CACNA2D3: variants seen among roughly 807,000 people sequenced by gnomAD.
CACNA2D3 encodes the protein calcium voltage-gated channel auxiliary subunit alpha2delta 3, also known as voltage-dependent calcium channel subunit alpha-2/delta-3.
Under a neutral mutation model 160.6 loss-of-function variants are expected in CACNA2D3, and 60 were observed. The observed-to-expected ratio is 0.37, with a 90% CI of 0.30 to 0.46. CACNA2D3 has a LOEUF of 0.46. CACNA2D3 is among the 20% of genes least tolerant of loss of function. The pLI is 1.00. For missense variants in CACNA2D3, 1,205 were observed against 1,365.0 expected (o/e 0.88, Z 1.85); for synonymous variants, 558 against 492.9 (o/e 1.13, Z -1.75).
At chr3:54,826,009 C>T (rs1703741280) in intron 14 of CACNA2D3, among the ~76,000 whole-genome samples, 1 of 152,046 alleles carries the variant, frequency 6.6e-6, no homozygotes, top group Admixed American at 6.6e-5. Flanking sequence ...TTTTTTGATA[C>T]AATACAAATC....
intron 8 of CACNA2D3, among the ~76,000 whole-genome samples, chr3:54,575,166 C>T (rs534809154): frequency 6.6e-6 from 1 of 152,272 alleles, no homozygotes; most frequent in Non-Finnish European, 1.5e-5. Flanking sequence ...TACATAATCC[C>T]TACATGTTTT....
At chr3:54,358,799 T>G (rs1434555030) in intron 3 of CACNA2D3, among the ~76,000 whole-genome samples, 1 of 152,228 alleles carries the variant, frequency 6.6e-6, no homozygotes, top group Non-Finnish European at 1.5e-5. Flanking sequence ...CAGTATTCAG[T>G]TACTAAAAGT....
At chr3:54,265,048 T>G (rs1433375156) in intron 2 of CACNA2D3, among the ~76,000 whole-genome samples, 1 of 152,180 alleles carries the variant, frequency 6.6e-6, no homozygotes, top group Non-Finnish European at 1.5e-5. Context: ...TAAACATACT[T>G]GTGCATGTGT....
chr3:54,791,769 G>C (rs1202176740), intron 13 of CACNA2D3, among the ~76,000 whole-genome samples: 1 of 152,112 alleles, frequency 6.6e-6, no homozygotes, highest in Admixed American at 6.5e-5. Context: ...AAAGAGGACA[G>C]ATTCCAGAAG....
At chr3:54,908,847 T>C (rs1321902018) in intron 27 of CACNA2D3, among the ~76,000 whole-genome samples, 3 of 152,130 alleles carry the variant, frequency 2.0e-5, no homozygotes, top group South Asian at 2.1e-4. Context: ...CAGAGCTGAG[T>C]AGATGGAGGG....
At chr3:54,243,132 C>T (rs940264782) in intron 2 of CACNA2D3, among the ~76,000 whole-genome samples, 1 of 152,112 alleles carries the variant, frequency 6.6e-6, no homozygotes, top group Admixed American at 6.5e-5. Context: ...AAGATTGTAC[C>T]CCCTGTCCCC....
intron 4 of CACNA2D3, among the ~76,000 whole-genome samples, chr3:54,500,509 C>CTTCCTTCCTATA (rs1701272781): frequency 1.3e-5 from 1 of 74,990 alleles, no homozygotes; most frequent in Admixed American, 1.4e-4. Context: ...TCCTATCTTC[C>CTTCCTTCCTATA]TTCCTTCCTT....
At chr3:54,756,845 T>C (rs549451236) in intron 12 of CACNA2D3, among the ~76,000 whole-genome samples, 271 of 152,204 alleles carry the variant, frequency 1.8e-3, no homozygotes, top group African/African-American at 6.1e-3. Flanking sequence ...TTGCAATAGT[T>C]CTCTGCCTCC....
chr3:54,484,626 A>T (rs1167780519), intron 4 of CACNA2D3, among the ~76,000 whole-genome samples: 1 of 152,200 alleles, frequency 6.6e-6, no homozygotes, highest in Non-Finnish European at 1.5e-5. Context: ...AACATTCTAA[A>T]TGGCAATAAT....
In CACNA2D3 at chr3:54,953,154, T is replaced by A. The variant is rs557243945; in HGVS notation, c.2450-15296T>A. On this transcript the variant is annotated intron_variant, in intron 27 of 37. Coordinates refer to ENST00000474759, the MANE Select transcript of CACNA2D3 (RefSeq NM_018398.3). ...TGACATTTACTGAATATTTACTATG[T>A]GCCTGGCACTGTGCTAGGCTCATGA... 4.6e-5 allele frequency among the ~76,000 whole-genome samples: 7 copies of A among 152,336 alleles called. No individual in the cohort carries two copies. The East Asian group carries it at 1.4e-3, about 29-fold the overall frequency.
At chr3:54,470,529 A>G (rs1410702096) in intron 4 of CACNA2D3, among the ~76,000 whole-genome samples, 3 of 152,212 alleles carry the variant, frequency 2.0e-5, no homozygotes, top group Admixed American at 6.5e-5. Flanking sequence ...GCATCAATTA[A>G]TGGGTAAAAT....
At chr3:54,920,694 A>T (rs1435831024) in intron 27 of CACNA2D3, among the ~76,000 whole-genome samples, 1 of 152,172 alleles carries the variant, frequency 6.6e-6, no homozygotes, top group Non-Finnish European at 1.5e-5. Flanking sequence ...AAATGAAGTG[A>T]TGGGGCTTTG....
At position 54,936,239 on chromosome 3, in the gene CACNA2D3, A is replaced by G. The variant is rs573173213; in HGVS notation, c.2450-32211A>G. 1.3e-5 allele frequency among the ~76,000 whole-genome samples: 2 copies of G among 152,296 alleles called. 1 individual carries two copies. Among genetic ancestry groups the G allele is most frequent in the South Asian group, 4.1e-4 (2 of 4,826 alleles). On this transcript the variant is annotated intron_variant, in intron 27 of 37. Coordinates refer to ENST00000474759, the MANE Select transcript of CACNA2D3 (RefSeq NM_018398.3). ...TCTATTATTGTGTCTATAGGTATCA[A>G]CTAGGTACTTAGATTGTATCTGCTT...
At chr3:54,787,529 G>A (rs939662341) in intron 13 of CACNA2D3, among the ~76,000 whole-genome samples, 10 of 152,218 alleles carry the variant, frequency 6.6e-5, no homozygotes, top group Admixed American at 6.5e-4. Context: ...AGATTATTAG[G>A]AGAAAGGTTT....
At chr3:54,522,123 T>G (rs1392348836) in intron 5 of CACNA2D3, among the ~76,000 whole-genome samples, 1 of 152,190 alleles carries the variant, frequency 6.6e-6, no homozygotes, top group East Asian at 1.9e-4. Context: ...TGTAGCTTTT[T>G]TTTGGAGAGT....
chr3:54,276,950 T>G (rs1235577625), intron 2 of CACNA2D3, among the ~76,000 whole-genome samples: 1 of 152,192 alleles, frequency 6.6e-6, no homozygotes, highest in Non-Finnish European at 1.5e-5. Flanking sequence ...GTTGATGAGC[T>G]ATGGCCCACC....
At chr3:54,861,184 A>G (rs1177297159) in intron 17 of CACNA2D3, among the ~76,000 whole-genome samples, 1 of 152,022 alleles carries the variant, frequency 6.6e-6, no homozygotes, top group African/African-American at 2.4e-5. Context: ...GGGCCATGGG[A>G]GGCTGAGGAG....
At chr3:54,816,082 C>T (rs1017797582) in intron 13 of CACNA2D3, among the ~76,000 whole-genome samples, 14 of 152,148 alleles carry the variant, frequency 9.2e-5, no homozygotes, top group African/African-American at 3.1e-4. Flanking sequence ...TTCAGTTCCT[C>T]GCCTGTGCCA....
intron 3 of CACNA2D3, among the ~76,000 whole-genome samples, chr3:54,342,106 GC>G (rs1303137197): frequency 6.6e-6 from 1 of 152,128 alleles, no homozygotes. Flanking sequence ...GGACTTGAAA[GC>G]CCATCAATAT....
Sources: allele counts gnomAD v4.1 joint callset (sites outside exome capture counted in the v4.1 genomes callset), GRCh38; gene constraint gnomAD v4.1.1; transcripts MANE v1.5; gene names NCBI Gene and HGNC (gene_info 2026-07-23, HGNC 2026-07-21).